Variants in RARB observed in about 807,000 individuals in gnomAD.
RARB encodes the protein retinoic acid receptor beta.
Under a neutral mutation model 51.9 loss-of-function variants are expected in RARB, and 17 were observed. The ratio of observed to expected loss-of-function variants is 0.33; its 90% CI spans 0.22 to 0.49. The LOEUF (loss-of-function observed/expected upper bound fraction) is 0.49. Ranked by LOEUF, RARB falls within the 20% of genes least tolerant of loss-of-function variation. RARB has a pLI of 0.99. For missense variants in RARB, 369 were observed against 550.8 expected, an observed-to-expected ratio of 0.67 and a Z score of 3.30; for synonymous variants, 215 against 195.4, an observed-to-expected ratio of 1.10 and a Z score of -0.84.
intron 3 of RARB, among the ~76,000 whole-genome samples, chr3:25,118,812 T>C (rs939653291): frequency 6.6e-6 from 1 of 152,102 alleles, no homozygotes; most frequent in Non-Finnish European, 1.5e-5. Context: ...TTTAGGTCCA[T>C]TATAATACAG....
At chr3:25,107,675 A>C (rs1252396792) in intron 3 of RARB, among the ~76,000 whole-genome samples, 1 of 152,204 alleles carries the variant, frequency 6.6e-6, no homozygotes, top group Admixed American at 6.5e-5. Context: ...TTAATTTATA[A>C]ATGAGGTGAA....
intron 2 of RARB, among the ~76,000 whole-genome samples, chr3:24,921,619 C>T (rs1173365842): frequency 2.0e-5 from 3 of 152,016 alleles, no homozygotes; most frequent in Admixed American, 2.0e-4. Context: ...ACCCAATCAG[C>T]GAGGAGGTCC....
intron 2 of RARB, among the ~76,000 whole-genome samples, chr3:24,888,144 C>T (rs1450193923): frequency 1.3e-5 from 2 of 152,192 alleles, no homozygotes; most frequent in African/African-American, 4.8e-5. Context: ...TAGCCAGATA[C>T]AGCCCTTTTC....
intron 4 of RARB, among the ~76,000 whole-genome samples, chr3:25,157,339 A>AGTGTCTGTGTTT (rs1553638344): frequency 4.7e-5 from 5 of 105,500 alleles, no homozygotes; most frequent in East Asian, 5.8e-4. Context: ...CACAGTTCTG[A>AGTGTCTGTGTTT]GTGTGTGTGT....
chr3:25,456,160 G>C (rs1694894422), intron 1 of RARB, among the ~76,000 whole-genome samples: 1 of 152,218 alleles, frequency 6.6e-6, no homozygotes, highest in African/African-American at 2.4e-5. Context: ...AATGTTTGAG[G>C]CCTCTCAAGG....
chr3:25,035,032 AG>A (rs1324661597), intron 2 of RARB, among the ~76,000 whole-genome samples: 1 of 152,234 alleles, frequency 6.6e-6, no homozygotes, highest in Non-Finnish European at 1.5e-5. Flanking sequence ...ATTTCTAATA[AG>A]TAAAGAAATA....
chr3:25,191,352 A>G (rs1701098695), intron 5 of RARB, among the ~76,000 whole-genome samples: 1 of 152,054 alleles, frequency 6.6e-6, no homozygotes, highest in Non-Finnish European at 1.5e-5. Context: ...TTATATCTCT[A>G]ATAAAGAATT....
chr3:24,998,283 T>G (rs1052253053), intron 2 of RARB, among the ~76,000 whole-genome samples: 1 of 151,700 alleles, frequency 6.6e-6, no homozygotes, highest in Non-Finnish European at 1.5e-5. Flanking sequence ...GTTTGTTTTT[T>G]TTTTTTTCTT....
At chr3:25,300,802 C>A (rs955140806) in intron 5 of RARB, among the ~76,000 whole-genome samples, 1 of 151,896 alleles carries the variant, frequency 6.6e-6, no homozygotes, top group Non-Finnish European at 1.5e-5. Context: ...CCAGCCTGGG[C>A]AACATGGTGA....
intron 5 of RARB, among the ~76,000 whole-genome samples, chr3:25,325,848 A>G (rs1419139616): frequency 2.0e-5 from 3 of 147,148 alleles, no homozygotes; most frequent in Admixed American, 2.0e-4. Context: ...TTTGGAAATA[A>G]AGATAAAATT....
chr3:25,331,311 T>C (rs1188094379), intron 5 of RARB, among the ~76,000 whole-genome samples: 2 of 152,110 alleles, frequency 1.3e-5, no homozygotes, highest in South Asian at 2.1e-4. Context: ...AGAACAGAAA[T>C]TATAACAGAC....
At chr3:25,374,600 G>T (rs376743447) in intron 5 of RARB, among the ~76,000 whole-genome samples, 88 of 152,148 alleles carry the variant, frequency 5.8e-4, no homozygotes, top group Middle Eastern at 3.4e-3. Context: ...GGGGAGAGAA[G>T]CATCTCAAGT....
At chr3:25,501,123 G>A in intron 2 of RARB, 59 bp from the exon 3 acceptor site, 1 of 1,519,302 alleles carries the variant, frequency 6.6e-7, no homozygotes, top group Non-Finnish European at 8.8e-7. Context: ...GGTTGGCTTT[G>A]ATTTCTGATG....
At chr3:25,069,121 A>G (rs1698720460) in intron 3 of RARB, among the ~76,000 whole-genome samples, 1 of 152,156 alleles carries the variant, frequency 6.6e-6, no homozygotes, top group Non-Finnish European at 1.5e-5. Context: ...CTTTTCTCTG[A>G]TAGCTATGCA....
chr3:25,098,646 T>G (rs1474139752), intron 3 of RARB, among the ~76,000 whole-genome samples: 4 of 152,154 alleles, frequency 2.6e-5, no homozygotes, highest in Non-Finnish European at 5.9e-5. Context: ...CTATGATCAT[T>G]TATACATTGT....
At chr3:24,919,852 G>C (rs571112425) in intron 2 of RARB, among the ~76,000 whole-genome samples, 1 of 152,136 alleles carries the variant, frequency 6.6e-6, no homozygotes, top group East Asian at 1.9e-4. Flanking sequence ...CAACTTCCAG[G>C]GTGCTGCTGA....
intron 2 of RARB, among the ~76,000 whole-genome samples, chr3:25,468,690 A>G (rs1021215779): frequency 1.3e-5 from 2 of 152,156 alleles, no homozygotes; most frequent in Non-Finnish European, 2.9e-5. Flanking sequence ...TAAAAAACAT[A>G]TTGTCTTGAT....
chr3:25,446,564 G>C (rs1257547711), intron 1 of RARB, among the ~76,000 whole-genome samples: 1 of 152,162 alleles, frequency 6.6e-6, no homozygotes, highest in Non-Finnish European at 1.5e-5. Flanking sequence ...AGCACTTTGG[G>C]AGGCCGAGGC....
intron 5 of RARB, among the ~76,000 whole-genome samples, chr3:25,355,350 G>T (rs542177281): frequency 1.5e-4 from 23 of 152,138 alleles, no homozygotes; most frequent in African/African-American, 5.1e-4. Flanking sequence ...TAAGGGCAGG[G>T]TTTTCCTTGG....
Sources: allele counts gnomAD v4.1 joint callset (sites outside exome capture counted in the v4.1 genomes callset), GRCh38; gene constraint gnomAD v4.1.1; transcripts MANE v1.5; gene names NCBI Gene and HGNC (gene_info 2026-07-23, HGNC 2026-07-21).